TDP1: variants seen among roughly 807,000 people sequenced by gnomAD.
The protein encoded by TDP1 is tyr-DNA phosphodiesterase 1.
Under a neutral mutation model 81.5 loss-of-function variants are expected in TDP1, and 64 were observed. That is an observed-to-expected ratio of 0.79 (90% CI 0.64 to 0.97). The LOEUF is 0.97. Among genes scored for constraint, TDP1 ranks in the 50% least tolerant of loss-of-function variants. The probability of loss-of-function intolerance (pLI) is 0.00; values close to 1 mark genes in which losing one functional copy is unlikely to be tolerated. For synonymous variants in TDP1, 256 were observed against 264.3 expected, an observed-to-expected ratio of 0.97 and a Z score of 0.30; for missense variants, 723 against 743.8, an observed-to-expected ratio of 0.97 and a Z score of 0.33.
intron 14 of TDP1, 117 bp downstream of exon 14, chr14:89,993,600 A>T: frequency 6.7e-7 from 1 of 1,493,968 alleles, no homozygotes. Flanking sequence ...AGTTTTCAGT[A>T]TGTTTGTGTT....
Position 89,993,415 on chromosome 14 carries a change from G to A in TDP1, c.1473G>A (p.Met491Ile), listed in dbSNP as rs1896390838. ...SAETSGRSNA[M>I]PHIKTYMRPS... ...AGACTTCTGGCCGCAGCAATGCCATGCCACATATTAAGACATATATGAGGC... is the reference window on the plus strand; with the variant it reads ...AGACTTCTGGCCGCAGCAATGCCATACCACATATTAAGACATATATGAGGC... Residue 491 changes from methionine to isoleucine, a missense_variant, in exon 14 of 17, where the codon ATG becomes ATA. By Grantham distance (10) the Met-to-Ile change is conservative. Coordinates refer to ENST00000335725, the MANE Select transcript of TDP1 (RefSeq NM_018319.4). 1 of 1,613,900 alleles carries A rather than the reference G, an allele frequency of 6.2e-7. No individual in the cohort carries two copies. The highest frequency in any genetic ancestry group is 1.7e-4 in the Middle Eastern group (1 of 6,060).
intron 7 of TDP1, among the ~76,000 whole-genome samples, chr14:89,976,990 C>T (rs1023522717): frequency 6.6e-6 from 1 of 152,044 alleles, no homozygotes; most frequent in African/African-American, 2.4e-5. Context: ...CCCATCTCTA[C>T]TAAAAATATA....
At position 89,993,494 on chromosome 14, in the gene TDP1, C is replaced by T. The variant is rs1176989607; in HGVS notation, c.1541+11C>T. ...GTTCCTTGTCACAAGGTAAATAGTC[C>T]TTACATTCCTGATGGGAGAAATCTT... On this transcript the variant is annotated intron_variant, in intron 14 of 16. Coordinates refer to ENST00000335725, the MANE Select transcript of TDP1 (RefSeq NM_018319.4). The T allele has an allele frequency of 9.9e-6, 16 of 1,610,994 alleles. No homozygotes were observed. Among genetic ancestry groups the T allele is most frequent in the Non-Finnish European group, 1.4e-5 (16 of 1,177,702 alleles).
chr14:89,988,581 T>G (rs1482550220), intron 10 of TDP1: 2 of 980,352 alleles, frequency 2.0e-6, no homozygotes, highest in African/African-American at 3.5e-5. Flanking sequence ...AAAAAAAATC[T>G]AATTTCATAT....
chr14:90,019,644 A>AC (rs1885734051), intron 15 of TDP1, among the ~76,000 whole-genome samples: 2 of 150,786 alleles, frequency 1.3e-5, no homozygotes, highest in Non-Finnish European at 2.9e-5. Context: ...CTTGATTAGG[A>AC]ATTGACTGTG....
chr14:89,975,954 A>G, intron 7 of TDP1, 139 bp downstream of exon 7: 2 of 758,178 alleles, frequency 2.6e-6, no homozygotes, highest in South Asian at 1.4e-5. Context: ...TGGGGGAGCT[A>G]TTCTTTTATT....
intron 16 of TDP1, chr14:90,033,426 C>G: frequency 1.6e-6 from 1 of 622,306 alleles, no homozygotes; most frequent in South Asian, 1.6e-5. Context: ...TATACAGATC[C>G]TTCCTGACTT....
intron 14 of TDP1, among the ~76,000 whole-genome samples, chr14:90,008,715 C>T (rs997830728): frequency 6.6e-6 from 1 of 152,054 alleles, no homozygotes; most frequent in Admixed American, 6.6e-5. Flanking sequence ...ACTTTGAAAT[C>T]TTTTGTTTAT....
At chr14:90,019,154 A>G (rs1350126700) in intron 14 of TDP1, 162 bp from the exon 15 acceptor site, 2 of 913,430 alleles carry the variant, frequency 2.2e-6, no homozygotes, top group East Asian at 2.4e-4. Flanking sequence ...AGAACAGCAG[A>G]TTTTAAATTC....
intron 11 of TDP1, chr14:89,989,421 T>C (rs1895940319): frequency 5.1e-6 from 5 of 984,418 alleles, no homozygotes; most frequent in Non-Finnish European, 6.0e-6. Context: ...AGCAGAATTA[T>C]GGGCATTTTA....
intron 2 of TDP1, 148 bp from the exon 3 acceptor site, chr14:89,962,960 T>A: frequency 3.3e-6 from 5 of 1,507,664 alleles, no homozygotes; most frequent in Non-Finnish European, 4.4e-6. Flanking sequence ...GGTAATGTGC[T>A]TATAAACACC....
At chr14:89,971,373 G>C (rs920390962) in intron 6 of TDP1, 102 bp downstream of exon 6, 3 of 837,806 alleles carry the variant, frequency 3.6e-6, no homozygotes, top group African/African-American at 3.4e-5. Context: ...CCTCTCTCCA[G>C]CATCAGTCAT....
intron 16 of TDP1, among the ~76,000 whole-genome samples, chr14:90,036,809 C>T (rs185318510): frequency 7.9e-5 from 11 of 139,586 alleles, no homozygotes; most frequent in Admixed American, 2.7e-4. Context: ...GCCCCTCCCC[C>T]GCCCCTTAAA....
chr14:89,994,141 CTT>C (rs1488596766), intron 14 of TDP1, among the ~76,000 whole-genome samples: 2 of 152,222 alleles, frequency 1.3e-5, no homozygotes, highest in Non-Finnish European at 2.9e-5. Flanking sequence ...TTAGGCATCT[CTT>C]TATGATTCAG....
chr14:90,003,823 A>G (rs1252944561), intron 14 of TDP1, among the ~76,000 whole-genome samples: 1 of 152,208 alleles, frequency 6.6e-6, no homozygotes, highest in African/African-American at 2.4e-5. Context: ...TTGAGGAAAC[A>G]TAAAAGACAT....
intron 14 of TDP1, among the ~76,000 whole-genome samples, chr14:90,011,792 G>A (rs1446135285): frequency 6.6e-6 from 1 of 152,184 alleles, no homozygotes; most frequent in Non-Finnish European, 1.5e-5. Flanking sequence ...CTTTGGAGTT[G>A]GAACTTATGT....
rs1419797088 is a variant in TDP1, at chr14:89,963,110, G to A, written c.-5G>A. On this transcript the variant is annotated splice_region_variant and 5_prime_UTR_variant, in exon 3 of 17. Transcript: ENST00000335725. ...ATGTTTCCACTTTTCATTTCCAGGA[G>A]TATAATGTCTCAGGAAGGCGATTAT... is the stretch of plus-strand genomic sequence containing the variant. 6.2e-7 allele frequency: 1 copy of A among 1,614,042 alleles called. No homozygotes were observed. Among genetic ancestry groups the A allele is most frequent in the East Asian group, 2.2e-5 (1 of 44,866 alleles).
chr14:90,022,954 G>T, intron 15 of TDP1: 1 of 726,664 alleles, frequency 1.4e-6, no homozygotes, highest in South Asian at 1.5e-5. Context: ...CTCCTACCTG[G>T]ACGTTCCAGT....
chr14:89,962,131 G>C (rs1360866275), intron 2 of TDP1, among the ~76,000 whole-genome samples: 1 of 152,134 alleles, frequency 6.6e-6, no homozygotes, highest in Non-Finnish European at 1.5e-5. Flanking sequence ...AAAGTGTGTT[G>C]CTTCAGTACA....
Sources: gnomAD v4.1 joint callset for allele counts (sites outside exome capture counted in the v4.1 genomes callset) on GRCh38, gnomAD v4.1.1 for gene constraint, MANE v1.5 for transcripts, NCBI Gene and HGNC (gene_info 2026-07-23, HGNC 2026-07-21) for gene names.